Variants in LRP1B observed in about 807,000 individuals in gnomAD.
LRP1B encodes LDL receptor related protein 1B.
LRP1B carries 217 observed loss-of-function variants against 556.6 expected under a neutral mutation model. The observed-to-expected ratio is 0.39, with a 90% CI of 0.35 to 0.44. LRP1B has a LOEUF of 0.44. Ranked by LOEUF, LRP1B falls within the 20% of genes least tolerant of loss-of-function variation. The pLI is 1.00. For missense variants in LRP1B, 5,053 were observed against 5,620.8 expected, an observed-to-expected ratio of 0.90 and a Z score of 3.23; for synonymous variants, 2,047 against 1,865.8, an observed-to-expected ratio of 1.10 and a Z score of -2.50.
intron 1 of LRP1B, among the ~76,000 whole-genome samples, chr2:141,914,024 A>G (rs201718977): frequency 6.6e-6 from 1 of 152,016 alleles, no homozygotes; most frequent in Non-Finnish European, 1.5e-5. Context: ...GGGATTACAG[A>G]CGTGAGCCAC....
At chr2:140,556,252 T>C (rs753670726) in intron 43 of LRP1B, among the ~76,000 whole-genome samples, 24 of 151,996 alleles carry the variant, frequency 1.6e-4, no homozygotes, top group Non-Finnish European at 2.4e-4. Flanking sequence ...GTGAAGTAGG[T>C]CATAGGACTC....
chr2:140,567,278 G>A (rs1681162046), intron 43 of LRP1B, among the ~76,000 whole-genome samples: 1 of 152,092 alleles, frequency 6.6e-6, no homozygotes, highest in African/African-American at 2.4e-5. Context: ...TACTGCTACT[G>A]CACTTGGCCT....
rs112226711 is a variant in LRP1B, at chr2:141,486,511, T to C, written c.206-5978A>G. Among the ~76,000 whole-genome samples the C allele has an allele frequency of 2.5e-3, 388 of 152,246 alleles. 1 individual carries two copies. The highest frequency in any genetic ancestry group is 8.8e-3 in the African/African-American group (365 of 41,548). ...GTGGAGAGGGAAATTTTTCTTCTAC[T>C]CTAATGGCAGACACAGGCAAATAAC... On this transcript the variant is annotated intron_variant, in intron 2 of 90. Transcript: ENST00000389484.
rs535336595 is a variant in LRP1B at position 140,329,242 on chromosome 2, C to T, written c.12224-3364G>A. Among the ~76,000 whole-genome samples, 72 of 152,104 alleles carry T rather than the reference C, an allele frequency of 4.7e-4. 1 individual carries two copies. Among genetic ancestry groups the T allele is most frequent in the Middle Eastern group, 3.4e-3 (1 of 294 alleles). ...AGACAACAAAAGAGTTCATGTTCCT[C>T]ATACCTCAAAATAATAACCATTTAT... On this transcript the variant is annotated intron_variant, in intron 79 of 90. Transcript: ENST00000389484.
intron 41 of LRP1B, among the ~76,000 whole-genome samples, chr2:140,664,871 C>T (rs1685214484): frequency 1.3e-5 from 2 of 151,950 alleles, no homozygotes; most frequent in African/African-American, 2.4e-5. Flanking sequence ...ATCTGGAATG[C>T]CCTTTCTTTA....
chr2:140,781,724 C>T (rs1689704794), intron 32 of LRP1B, among the ~76,000 whole-genome samples: 1 of 152,224 alleles, frequency 6.6e-6, no homozygotes, highest in Non-Finnish European at 1.5e-5. Context: ...TATGTCTTCA[C>T]ATAACTCCAC....
intron 80 of LRP1B, 74 bp from the exon 81 acceptor site, chr2:140,324,140 AC>A: frequency 1.1e-6 from 1 of 898,322 alleles, no homozygotes; most frequent in African/African-American, 1.7e-5. Context: ...TTTATCCAAG[AC>A]GATATTGAAA....
chr2:141,949,634 C>G (rs945298725), intron 1 of LRP1B, among the ~76,000 whole-genome samples: 2 of 152,264 alleles, frequency 1.3e-5, no homozygotes, highest in South Asian at 4.1e-4. Context: ...GTGACCCACC[C>G]GCCTTGGCCT....
chr2:141,397,782 T>G (rs1458330481), intron 3 of LRP1B, among the ~76,000 whole-genome samples: 1 of 150,950 alleles, frequency 6.6e-6, no homozygotes, highest in Non-Finnish European at 1.5e-5. Context: ...AAAATTTATA[T>G]GTATATATAC....
At position 140,408,774 on chromosome 2, in the gene LRP1B, A is replaced by G. The variant is rs186916795; in HGVS notation, c.10415-22765T>C. Among the ~76,000 whole-genome samples the G allele has an allele frequency of 3.2e-3, 487 of 152,124 alleles. 3 individuals are homozygous for G. Among genetic ancestry groups the G allele is most frequent in the Non-Finnish European group, 5.3e-3 (359 of 67,892 alleles). ...CAACATGTCTACATCAGAGAAAAAA[A>G]TGATATCTTTCTACTGAGTGTAATT... On this transcript the variant is annotated intron_variant, in intron 66 of 90. Coordinates refer to ENST00000389484, the MANE Select transcript of LRP1B (RefSeq NM_018557.3).
intron 31 of LRP1B, among the ~76,000 whole-genome samples, chr2:140,819,721 G>A (rs1324450284): frequency 1.3e-5 from 2 of 152,136 alleles, no homozygotes; most frequent in Admixed American, 6.6e-5. Context: ...AAATAAAAGT[G>A]TTTTTAAGTG....
rs566412706 is a variant in LRP1B at position 141,543,626 on chromosome 2, G to A, written c.206-63093C>T. Among the ~76,000 whole-genome samples the A allele has an allele frequency of 5.9e-5, 9 of 151,666 alleles. No homozygotes were observed. In the South Asian group the frequency reaches 1.9e-3, roughly 32 times the overall value. ...TGTAGTCCTAGCTACTGAAAAGGCTGAAGCAGGAGGATTGCTTGAGCCCAG... is the reference window on the plus strand; with the variant it reads ...TGTAGTCCTAGCTACTGAAAAGGCTAAAGCAGGAGGATTGCTTGAGCCCAG... On this transcript the variant is annotated intron_variant, in intron 2 of 90. Transcript: ENST00000389484.
At chr2:140,917,777 T>G (rs1694621815) in intron 21 of LRP1B, among the ~76,000 whole-genome samples, 1 of 152,108 alleles carries the variant, frequency 6.6e-6, no homozygotes, top group Non-Finnish European at 1.5e-5. Context: ...CATGTCATCA[T>G]ATATTTGTCA....
At chr2:141,618,705 G>T (rs1379824658) in intron 2 of LRP1B, among the ~76,000 whole-genome samples, 1 of 152,086 alleles carries the variant, frequency 6.6e-6, no homozygotes, top group African/African-American at 2.4e-5. Context: ...TATTGTGCCG[G>T]ATATGTTTTG....
chr2:141,002,579 A>C (rs1390232806), intron 15 of LRP1B, among the ~76,000 whole-genome samples: 2 of 152,074 alleles, frequency 1.3e-5, no homozygotes, highest in African/African-American at 4.8e-5. Flanking sequence ...TATAATACCT[A>C]ATACAAGGCA....
intron 83 of LRP1B, among the ~76,000 whole-genome samples, chr2:140,314,486 A>AG (rs1684434281): frequency 6.6e-6 from 1 of 152,140 alleles, no homozygotes; most frequent in Non-Finnish European, 1.5e-5. Context: ...AAGAATAGAT[A>AG]CAATTTTAGA....
At chr2:141,423,658 T>C (rs942213017) in intron 3 of LRP1B, among the ~76,000 whole-genome samples, 27 of 152,176 alleles carry the variant, frequency 1.8e-4, no homozygotes, top group Admixed American at 1.0e-3. Context: ...CTCCTGCCTT[T>C]GCATGCACCC....
chr2:140,818,168 G>A (rs1485324969), intron 31 of LRP1B, among the ~76,000 whole-genome samples: 1 of 152,048 alleles, frequency 6.6e-6, no homozygotes, highest in African/African-American at 2.4e-5. Flanking sequence ...TGGAGACAGG[G>A]GAATGGTAGA....
chr2:141,971,424 A>G (rs1460974924), intron 1 of LRP1B, among the ~76,000 whole-genome samples: 1 of 151,446 alleles, frequency 6.6e-6, no homozygotes, highest in African/African-American at 2.4e-5. Flanking sequence ...GTTTTAGCCC[A>G]TCTGTTCCAA....
Sources: gnomAD v4.1 joint callset for allele counts (sites outside exome capture counted in the v4.1 genomes callset) on GRCh38, gnomAD v4.1.1 for gene constraint, MANE v1.5 for transcripts, NCBI Gene and HGNC (gene_info 2026-07-23, HGNC 2026-07-21) for gene names.